Variants in ERC1 observed in about 807,000 individuals in gnomAD.
The protein encoded by ERC1 is ELKS/RAB6-interacting/CAST family member 1.
A neutral mutation model predicts 132.0 loss-of-function variants in ERC1; 56 were observed. That is an observed-to-expected ratio of 0.42 (90% CI 0.34 to 0.53). The LOEUF (loss-of-function observed/expected upper bound fraction) is 0.53. Among genes scored for constraint, ERC1 ranks in the 20% least tolerant of loss-of-function variants. ERC1 has a pLI of 0.03. For missense variants in ERC1, 1,202 were observed against 1,349.9 expected (o/e 0.89, Z 1.72); for synonymous variants, 478 against 476.1 (o/e 1.00, Z -0.05).
At chr12:1,405,182 T>TA (rs1566786460) in intron 16 of ERC1, among the ~76,000 whole-genome samples, 1 of 123,110 alleles carries the variant, frequency 8.1e-6, no homozygotes, top group African/African-American at 3.3e-5. Flanking sequence ...TAAATAAATA[T>TA]AAATAAAATA....
At chr12:1,370,389 A>T (rs1447339768) in intron 15 of ERC1, among the ~76,000 whole-genome samples, 3 of 152,244 alleles carry the variant, frequency 2.0e-5, no homozygotes. Flanking sequence ...CTGCAAACTT[A>T]TTTGCATTCA....
rs755412381 is a variant in ERC1 at position 1,196,806 on chromosome 12, T to TTCTCTCTCTCTCTCTCTCTCTCTCTCTC, written c.2351+6779_2351+6780insCTCTCTCTCTCTCTCTCTCTCTCTCTCT. ...CACCTGGTGCATGTGCGCACGCTAT[T>TTCTCTCTCTCTCTCTCTCTCTCTCTCTC]TCTCTCTCTCTCTCTCTCTCTCTCT... On this transcript the variant is annotated intron_variant, in intron 12 of 18. Coordinates refer to ENST00000360905, the MANE Select transcript of ERC1 (RefSeq NM_178040.4). Among the ~76,000 whole-genome samples the TTCTCTCTCTCTCTCTCTCTCTCTCTCTC allele has an allele frequency of 1.3e-3, 120 of 90,340 alleles. 9 individuals are homozygous for TTCTCTCTCTCTCTCTCTCTCTCTCTCTC. Among genetic ancestry groups the TTCTCTCTCTCTCTCTCTCTCTCTCTCTC allele is most frequent in the Non-Finnish European group, 2.3e-3 (102 of 43,810 alleles). The allele number at this position is 90,340 out of a possible 152,430, so 59.3% of individuals were successfully genotyped here.
intron 1 of ERC1, among the ~76,000 whole-genome samples, chr12:1,014,220 T>G (rs1251447645): frequency 6.6e-6 from 1 of 152,166 alleles, no homozygotes; most frequent in Non-Finnish European, 1.5e-5. Flanking sequence ...CTGTTTCCCA[T>G]GCTGGGATGC....
At chr12:1,010,898 G>T (rs902596865) in intron 1 of ERC1, among the ~76,000 whole-genome samples, 1 of 152,064 alleles carries the variant, frequency 6.6e-6, no homozygotes, top group Non-Finnish European at 1.5e-5. Flanking sequence ...TCTTGGAGAA[G>T]ACCAGAAACA....
At chr12:1,199,657 A>G (rs1956717380) in intron 12 of ERC1, among the ~76,000 whole-genome samples, 1 of 152,056 alleles carries the variant, frequency 6.6e-6, no homozygotes, top group South Asian at 2.1e-4. Flanking sequence ...AGGCACCTGT[A>G]ATCCCAGCTA....
intron 2 of ERC1, among the ~76,000 whole-genome samples, chr12:1,078,115 A>G (rs1456093188): frequency 6.6e-6 from 1 of 152,222 alleles, no homozygotes; most frequent in Non-Finnish European, 1.5e-5. Flanking sequence ...CGTATGTGAA[A>G]CTGTTAACTG....
At chr12:1,473,217 C>T (rs2093899865) in intron 18 of ERC1, among the ~76,000 whole-genome samples, 1 of 152,020 alleles carries the variant, frequency 6.6e-6, no homozygotes, top group South Asian at 2.1e-4. Context: ...TAAGTAGAGA[C>T]AGGGTTTCAC....
intron 15 of ERC1, among the ~76,000 whole-genome samples, chr12:1,312,777 A>G (rs1198949814): frequency 1.3e-5 from 2 of 152,144 alleles, no homozygotes; most frequent in Admixed American, 6.5e-5. Context: ...GTCATCCACT[A>G]TATTTATGAG....
chr12:1,400,545 A>T (rs2090932526), intron 16 of ERC1, among the ~76,000 whole-genome samples: 1 of 152,052 alleles, frequency 6.6e-6, no homozygotes, highest in Admixed American at 6.6e-5. Context: ...AGAGTTTTAT[A>T]GTTTTAGCTC....
intron 3 of ERC1, among the ~76,000 whole-genome samples, chr12:1,094,320 A>C (rs1943721708): frequency 6.6e-6 from 1 of 151,978 alleles, no homozygotes; most frequent in Non-Finnish European, 1.5e-5. Context: ...CACCCGGCCA[A>C]AAAAGAAAAA....
intron 2 of ERC1, among the ~76,000 whole-genome samples, chr12:1,056,398 T>C (rs1312670764): frequency 6.6e-6 from 1 of 151,956 alleles, no homozygotes; most frequent in Non-Finnish European, 1.5e-5. Context: ...GGAAGTTTAA[T>C]AGGCAAAAGA....
At chr12:1,424,977 G>C (rs991555004) in intron 17 of ERC1, among the ~76,000 whole-genome samples, 2 of 152,162 alleles carry the variant, frequency 1.3e-5, no homozygotes, top group Non-Finnish European at 2.9e-5. Flanking sequence ...TGTCAGAGTG[G>C]CTTGAGACCT....
chr12:1,345,722 C>A (rs2084387421), intron 15 of ERC1, among the ~76,000 whole-genome samples: 1 of 152,180 alleles, frequency 6.6e-6, no homozygotes, highest in Admixed American at 6.5e-5. Flanking sequence ...TTATAACTCC[C>A]AGGCTACTTA....
At chr12:1,071,030 A>G (rs531866801) in intron 2 of ERC1, among the ~76,000 whole-genome samples, 1 of 152,294 alleles carries the variant, frequency 6.6e-6, no homozygotes, top group East Asian at 1.9e-4. Context: ...ATGTATCCAT[A>G]GTTATCCTTT....
At chr12:1,414,436 A>T (rs1237553481) in intron 17 of ERC1, among the ~76,000 whole-genome samples, 2 of 152,178 alleles carry the variant, frequency 1.3e-5, no homozygotes, top group Non-Finnish European at 2.9e-5. Context: ...CTCAGGACCT[A>T]ATAATCTTCC....
chr12:1,027,819 T>G lies in ERC1; in HGVS notation c.-85T>G. The G allele has an allele frequency of 2.4e-6, 3 of 1,234,376 alleles. No individual in the cohort carries two copies. Among genetic ancestry groups the G allele is most frequent in the South Asian group, 2.9e-5 (2 of 68,860 alleles). The allele number at this position is 1,234,376 out of a possible 1,614,324, so 76.5% of individuals were successfully genotyped here. On this transcript the variant is annotated 5_prime_UTR_variant, in exon 2 of 19. Transcript: ENST00000360905. ...TTCTGATTAACCTTAAACCAACTTGTAGCCATAGAGACACCTCACAAGGTT... is the reference window on the plus strand; with the variant it reads ...TTCTGATTAACCTTAAACCAACTTGGAGCCATAGAGACACCTCACAAGGTT...
chr12:1,242,723 A>C lies in ERC1; in HGVS notation c.2487+5819A>C, dbSNP rs2075888203. On this transcript the variant is annotated intron_variant, in intron 13 of 18. Coordinates refer to ENST00000360905, the MANE Select transcript of ERC1 (RefSeq NM_178040.4). ...TAGGTAGTAGTAACATAACAGGTACAGTGGGTCCTCCATATCCATAGGTTC... is the reference window on the plus strand; with the variant it reads ...TAGGTAGTAGTAACATAACAGGTACCGTGGGTCCTCCATATCCATAGGTTC... 2.6e-5 allele frequency among the ~76,000 whole-genome samples: 4 copies of C among 152,206 alleles called. No homozygotes were observed. The South Asian group carries it at 8.3e-4, about 31-fold the overall frequency.
chr12:1,121,159 G>A (rs561704726), intron 7 of ERC1, among the ~76,000 whole-genome samples: 1 of 152,298 alleles, frequency 6.6e-6, no homozygotes, highest in Non-Finnish European at 1.5e-5. Flanking sequence ...TTTACAGATG[G>A]GGAGTTAAAA....
At chr12:1,227,459 A>T (rs907195015) in intron 12 of ERC1, among the ~76,000 whole-genome samples, 1 of 152,156 alleles carries the variant, frequency 6.6e-6, no homozygotes, top group South Asian at 2.1e-4. Context: ...GGCCATTTAA[A>T]GTCTTCTTTC....
Sources: gnomAD v4.1 joint callset for allele counts (sites outside exome capture counted in the v4.1 genomes callset) on GRCh38, gnomAD v4.1.1 for gene constraint, MANE v1.5 for transcripts, NCBI Gene and HGNC (gene_info 2026-07-23, HGNC 2026-07-21) for gene names.